Variants in OSBPL10 observed in about 807,000 individuals in gnomAD.
OSBPL10 encodes oxysterol-binding protein-related protein 10.
Under a neutral mutation model 81.7 loss-of-function variants are expected in OSBPL10, and 49 were observed. That is an observed-to-expected ratio of 0.60 (90% CI 0.48 to 0.76). The LOEUF is 0.76. OSBPL10 is among the 30% of genes least tolerant of loss of function. The pLI, the probability that OSBPL10 is intolerant of heterozygous loss-of-function variation, is 0.00. For missense variants in OSBPL10, 923 were observed against 987.8 expected (o/e 0.93, Z 0.88); for synonymous variants, 419 against 383.6 (o/e 1.09, Z -1.08).
chr3:31,782,056 T>C (rs900009129), intron 4 of OSBPL10, among the ~76,000 whole-genome samples: 1 of 152,196 alleles, frequency 6.6e-6, no homozygotes, highest in African/African-American at 2.4e-5. Context: ...TTGAAACTAC[T>C]ACAAGGCGAC....
chr3:31,790,395 A>T lies in OSBPL10; in HGVS notation c.729+39645T>A, dbSNP rs1298867047. On this transcript the variant is annotated intron_variant, in intron 4 of 11. Transcript: ENST00000396556. ...CATTTGTGTGTGGCAGAACCCATGA[A>T]CCCCTGAGTATGCGCTCAAGAAGAA... 2.6e-5 allele frequency among the ~76,000 whole-genome samples: 4 copies of T among 152,114 alleles called. No homozygotes were observed. The East Asian group carries it at 5.8e-4, about 22-fold the overall frequency.
At chr3:31,936,721 T>C (rs1206413834) in intron 1 of OSBPL10, among the ~76,000 whole-genome samples, 1 of 152,014 alleles carries the variant, frequency 6.6e-6, no homozygotes, top group Non-Finnish European at 1.5e-5. Context: ...GTCAAATACA[T>C]AAAACTTCCA....
At chr3:31,753,941 T>C (rs1697800994) in intron 4 of OSBPL10, among the ~76,000 whole-genome samples, 1 of 152,120 alleles carries the variant, frequency 6.6e-6, no homozygotes, top group Non-Finnish European at 1.5e-5. Flanking sequence ...ATTAACAAAT[T>C]GTAAGTTGAT....
At chr3:31,958,931 A>G (rs772425500) in intron 1 of OSBPL10, among the ~76,000 whole-genome samples, 6 of 152,228 alleles carry the variant, frequency 3.9e-5, no homozygotes, top group Non-Finnish European at 8.8e-5. Context: ...GTACTAAACC[A>G]AAGAGTAAGC....
intron 1 of OSBPL10, among the ~76,000 whole-genome samples, chr3:31,923,257 A>G (rs926054195): frequency 6.6e-6 from 1 of 152,160 alleles, no homozygotes; most frequent in African/African-American, 2.4e-5. Flanking sequence ...GTTAATTAAC[A>G]TTGTCCCTGG....
At chr3:31,948,558 G>A (rs527426320) in intron 1 of OSBPL10, among the ~76,000 whole-genome samples, 6 of 152,254 alleles carry the variant, frequency 3.9e-5, no homozygotes, top group South Asian at 2.1e-4. Context: ...GTCATCCTCC[G>A]TCATATAACT....
intron 1 of OSBPL10, among the ~76,000 whole-genome samples, chr3:31,967,165 A>T (rs1052513486): frequency 2.6e-5 from 4 of 152,256 alleles, no homozygotes; most frequent in African/African-American, 9.6e-5. Flanking sequence ...GAAAAAAAAA[A>T]TCCCATTCCC....
intron 3 of OSBPL10, among the ~76,000 whole-genome samples, chr3:31,832,127 G>C (rs1700258819): frequency 6.6e-6 from 1 of 152,166 alleles, no homozygotes; most frequent in East Asian, 1.9e-4. Context: ...GCACATAATT[G>C]ATCTATAGTA....
rs145842472 is a variant in OSBPL10 at position 31,913,003 on chromosome 3, T to G, written c.282-33173A>C. 2.0e-5 allele frequency among the ~76,000 whole-genome samples: 3 copies of G among 152,262 alleles called. No individual in the cohort carries two copies. In the East Asian group the frequency reaches 5.8e-4, roughly 29 times the overall value. ...TAGAGATCTTATTTGTGTTTGTACATACACACACACATATACCCACACACC... is the reference window on the plus strand; with the variant it reads ...TAGAGATCTTATTTGTGTTTGTACAGACACACACACATATACCCACACACC... On this transcript the variant is annotated intron_variant, in intron 1 of 11. Coordinates refer to ENST00000396556, the MANE Select transcript of OSBPL10 (RefSeq NM_017784.5).
chr3:31,823,193 T>A lies in OSBPL10; in HGVS notation c.729+6847A>T, dbSNP rs1347732142. On this transcript the variant is annotated intron_variant, in intron 4 of 11. Transcript: ENST00000396556. ...ACCCTCAACCAATTGCCAGGTCTCC[T>A]CTCTGACATACAATCCACATAGTTA... 2.6e-5 allele frequency among the ~76,000 whole-genome samples: 4 copies of A among 152,310 alleles called. No individual in the cohort carries two copies. The East Asian group carries it at 5.8e-4, about 22-fold the overall frequency.
At chr3:31,738,711 G>C (rs886216007) in intron 5 of OSBPL10, among the ~76,000 whole-genome samples, 2 of 152,144 alleles carry the variant, frequency 1.3e-5, no homozygotes, top group African/African-American at 4.8e-5. Context: ...ACTAGTAAGT[G>C]GTAGAATCCA....
At chr3:31,816,431 A>C (rs1204670480) in intron 4 of OSBPL10, among the ~76,000 whole-genome samples, 2 of 152,198 alleles carry the variant, frequency 1.3e-5, no homozygotes, top group Non-Finnish European at 2.9e-5. Context: ...CGCTTTCCAG[A>C]AACAAGCTCA....
chr3:31,866,390 A>G (rs1701182166), intron 3 of OSBPL10, among the ~76,000 whole-genome samples: 1 of 152,094 alleles, frequency 6.6e-6, no homozygotes. Context: ...ACTCCTGTGC[A>G]CTCAACCACA....
At chr3:31,754,865 T>C (rs997705871) in intron 4 of OSBPL10, among the ~76,000 whole-genome samples, 4 of 152,212 alleles carry the variant, frequency 2.6e-5, no homozygotes, top group African/African-American at 4.8e-5. Context: ...GTTCTTGATA[T>C]GACTGATGAT....
At chr3:32,009,489 C>T (rs939693697) in intron 2 of OSBPL10, among the ~76,000 whole-genome samples, 1 of 152,164 alleles carries the variant, frequency 6.6e-6, no homozygotes, top group Non-Finnish European at 1.5e-5. Flanking sequence ...CACAGGGCTA[C>T]AAGGAGGAAT....
At chr3:31,697,152 C>T (rs1304585165) in intron 7 of OSBPL10, among the ~76,000 whole-genome samples, 18 of 152,148 alleles carry the variant, frequency 1.2e-4, no homozygotes, top group African/African-American at 4.8e-5. Context: ...GAAGGCTTAC[C>T]GGCTTCCACT....
At chr3:31,739,224 G>C (rs1697272047) in intron 5 of OSBPL10, among the ~76,000 whole-genome samples, 1 of 151,894 alleles carries the variant, frequency 6.6e-6, no homozygotes, top group Admixed American at 6.6e-5. Context: ...CACTATACCT[G>C]GCTGAGGTAA....
At chr3:31,938,286 ACT>A (rs1697437356) in intron 1 of OSBPL10, among the ~76,000 whole-genome samples, 1 of 151,298 alleles carries the variant, frequency 6.6e-6, no homozygotes, top group Admixed American at 6.6e-5. Context: ...ACTCCCTCAC[ACT>A]CTCTTAAACA....
intron 1 of OSBPL10, among the ~76,000 whole-genome samples, chr3:32,059,412 C>A (rs2125440712): frequency 6.6e-6 from 1 of 151,970 alleles, no homozygotes; most frequent in East Asian, 1.9e-4. Context: ...GGTGGTGAAA[C>A]CCCACCTCTA....
Sources: gnomAD v4.1 joint callset for allele counts (sites outside exome capture counted in the v4.1 genomes callset) on GRCh38, gnomAD v4.1.1 for gene constraint, MANE v1.5 for transcripts, NCBI Gene and HGNC (gene_info 2026-07-23, HGNC 2026-07-21) for gene names.